The following DIAPH2 variants were observed in gnomAD, a reference collection of about 807,000 sequenced individuals.
DIAPH2 encodes the protein protein diaphanous homolog 2.
DIAPH2 carries 35 observed loss-of-function variants against 92.7 expected under a neutral mutation model. That is an observed-to-expected ratio of 0.38 (90% CI 0.29 to 0.50). DIAPH2 has a LOEUF of 0.50. Among genes scored for constraint, DIAPH2 ranks in the 20% least tolerant of loss-of-function variants. The pLI is 0.94. For missense variants in DIAPH2, 701 were observed against 819.5 expected (o/e 0.86, Z 1.77); for synonymous variants, 301 against 280.4 (o/e 1.07, Z -0.73).
intron 26 of DIAPH2, among the ~76,000 whole-genome samples, chrX:97,528,055 A>G (rs899445023): frequency 2.7e-5 from 3 of 112,022 alleles, no homozygotes; most frequent in African/African-American, 9.7e-5. Flanking sequence ...TGAGGATTAA[A>G]AAAACAACTT....
At chrX:97,319,274 A>G (rs950217685) in intron 23 of DIAPH2, among the ~76,000 whole-genome samples, 3 of 112,651 alleles carry the variant, frequency 2.7e-5, no homozygotes, top group Admixed American at 9.4e-5. Context: ...ATGGCAATAT[A>G]GAAGTTATAA....
At chrX:97,471,741 A>ACTT (rs1403805908) in intron 26 of DIAPH2, among the ~76,000 whole-genome samples, 2 of 107,191 alleles carry the variant, frequency 1.9e-5, no homozygotes, top group African/African-American at 6.8e-5. Context: ...AGAGTGGAGG[A>ACTT]CTTTAACATT....
intron 22 of DIAPH2, among the ~76,000 whole-genome samples, chrX:97,231,415 G>A (rs1011153592): frequency 9.1e-6 from 1 of 110,360 alleles, no homozygotes; most frequent in African/African-American, 3.3e-5. Flanking sequence ...TTATGTATTT[G>A]TATCTGAAAA....
chrX:96,913,410 C>G (rs2065482045), intron 7 of DIAPH2, among the ~76,000 whole-genome samples: 1 of 111,361 alleles, frequency 9.0e-6, no homozygotes, highest in African/African-American at 3.3e-5. Context: ...ACAAAAGGGT[C>G]TTTATGATGT....
chrX:96,810,131 T>C (rs1248129667), intron 4 of DIAPH2, among the ~76,000 whole-genome samples: 3 of 112,218 alleles, frequency 2.7e-5, no homozygotes, highest in East Asian at 2.8e-4. Flanking sequence ...TACACTCCCA[T>C]CAACAGTGTA....
At chrX:97,425,703 C>T (rs770307936) in intron 25 of DIAPH2, among the ~76,000 whole-genome samples, 15 of 107,660 alleles carry the variant, frequency 1.4e-4, no homozygotes, top group African/African-American at 5.1e-4. Context: ...ATCGCTTGAA[C>T]TTGGGAGGTG....
At chrX:96,987,857 C>T (rs755491416) in intron 17 of DIAPH2, among the ~76,000 whole-genome samples, 19 of 110,894 alleles carry the variant, frequency 1.7e-4, no homozygotes, top group African/African-American at 6.2e-4. Context: ...AAGAGAAAAA[C>T]CAAGATAGTG....
At chrX:96,805,458 C>T (rs1175667334) in intron 4 of DIAPH2, among the ~76,000 whole-genome samples, 4 of 110,667 alleles carry the variant, frequency 3.6e-5, no homozygotes, top group Admixed American at 9.6e-5. Context: ...ACTTGTTTCT[C>T]ACTTTACTCC....
At chrX:97,334,998 C>CAAAAAAAAAAAAAACAAAAAAAAAA (rs2069043082) in intron 23 of DIAPH2, among the ~76,000 whole-genome samples, 1 of 31,466 alleles carries the variant, frequency 3.2e-5, no homozygotes, top group Non-Finnish European at 6.1e-5. Flanking sequence ...AAAAACAAAA[C>CAAAAAAAAAAAAAACAAAAAAAAAA]AAAAAAAAAA....
intron 4 of DIAPH2, among the ~76,000 whole-genome samples, chrX:96,850,081 C>T (rs2064997642): frequency 9.0e-6 from 1 of 111,050 alleles, no homozygotes; most frequent in East Asian, 2.8e-4. Flanking sequence ...GATATTTCCA[C>T]CTTTAGTGTC....
At chrX:97,258,727 C>A (rs777504167) in intron 23 of DIAPH2, among the ~76,000 whole-genome samples, 1 of 105,513 alleles carries the variant, frequency 9.5e-6, no homozygotes, top group Non-Finnish European at 1.9e-5. Context: ...AAAAATTAGC[C>A]GGTCGTGGTG....
At chrX:97,287,473 C>G (rs1477332904) in intron 23 of DIAPH2, among the ~76,000 whole-genome samples, 2 of 111,030 alleles carry the variant, frequency 1.8e-5, no homozygotes, top group Non-Finnish European at 3.8e-5. Context: ...TAGTTACACA[C>G]AGGTATGCTT....
intron 23 of DIAPH2, among the ~76,000 whole-genome samples, chrX:97,306,871 A>T (rs779644717): frequency 8.9e-6 from 1 of 112,283 alleles, no homozygotes; most frequent in African/African-American, 3.2e-5. Context: ...AGGAATAGAG[A>T]TAAGAAAAAA....
intron 17 of DIAPH2, among the ~76,000 whole-genome samples, chrX:97,049,574 T>C (rs969207421): frequency 3.6e-5 from 4 of 111,433 alleles, no homozygotes; most frequent in Non-Finnish European, 7.6e-5. Context: ...AGTTCTTTGA[T>C]GTTTTTAAAA....
chrX:96,710,315 A>G (rs960553793), intron 1 of DIAPH2, among the ~76,000 whole-genome samples: 4 of 111,720 alleles, frequency 3.6e-5, no homozygotes, highest in Non-Finnish European at 7.5e-5. Context: ...AAAGCAATAT[A>G]TTTGCTGGAT....
At chrX:97,408,567 ATAT>A (rs1337617656) in intron 25 of DIAPH2, among the ~76,000 whole-genome samples, 4 of 111,584 alleles carry the variant, frequency 3.6e-5, no homozygotes, top group African/African-American at 1.3e-4. Context: ...TTAGAACAGA[ATAT>A]TATTAATATG....
rs780839002 is a variant in DIAPH2 at position 97,271,706 on chromosome X, G to C, written c.2844+23867G>C. Among the ~76,000 whole-genome samples the C allele has an allele frequency of 8.2e-5, 9 of 109,207 alleles. No homozygotes were observed. The South Asian group carries it at 3.6e-3, about 44-fold the overall frequency. The allele number at this position is 109,207 out of a possible 115,157, so 94.8% of individuals were successfully genotyped here. ...TACCCTGACCTTTCAGTTGGCCTTG[G>C]TGTAGAGCATCACACAGTCAAAGAA... is the stretch of plus-strand genomic sequence containing the variant. On this transcript the variant is annotated intron_variant, in intron 23 of 26. Transcript: ENST00000324765.
intron 17 of DIAPH2, among the ~76,000 whole-genome samples, chrX:96,989,065 G>T (rs1004287628): frequency 8.1e-5 from 9 of 110,878 alleles, no homozygotes; most frequent in African/African-American, 2.9e-4. Flanking sequence ...CTACTAAATG[G>T]CTTTAAAGCA....
chrX:97,113,074 C>T (rs2066993573), intron 20 of DIAPH2, among the ~76,000 whole-genome samples: 2 of 110,728 alleles, frequency 1.8e-5, no homozygotes, highest in African/African-American at 6.6e-5. Flanking sequence ...GCCACCGCGC[C>T]CGGCCACTTT....
Sources: allele counts gnomAD v4.1 joint callset (sites outside exome capture counted in the v4.1 genomes callset), GRCh38; gene constraint gnomAD v4.1.1; transcripts MANE v1.5; gene names NCBI Gene and HGNC (gene_info 2026-07-23, HGNC 2026-07-21).